Variants in OPHN1 observed in about 807,000 individuals in gnomAD.
OPHN1 encodes oligophrenin-1.
A neutral mutation model predicts 60.7 loss-of-function variants in OPHN1; 11 were observed. The ratio of observed to expected loss-of-function variants is 0.18; its 90% CI spans 0.11 to 0.30. OPHN1 has a LOEUF of 0.30. Ranked by LOEUF, OPHN1 falls within the 10% of genes least tolerant of loss-of-function variation. The pLI is 1.00. For missense variants in OPHN1, 449 were observed against 611.0 expected (o/e 0.73, Z 2.80); for synonymous variants, 226 against 222.6 (o/e 1.02, Z -0.14).
At chrX:68,340,562 T>C (rs911142565) in intron 2 of OPHN1, among the ~76,000 whole-genome samples, 3 of 112,082 alleles carry the variant, frequency 2.7e-5, no homozygotes, top group Non-Finnish European at 5.6e-5. Flanking sequence ...CCCGAAATGG[T>C]TGACAGACCT....
intron 21 of OPHN1, among the ~76,000 whole-genome samples, chrX:68,054,276 TA>T (rs1393360070): frequency 8.9e-6 from 1 of 111,767 alleles, no homozygotes; most frequent in African/African-American, 3.3e-5. Context: ...AGTTGTTTTC[TA>T]ACTCACTTTC....
At chrX:68,170,779 T>A (rs1416060448) in intron 15 of OPHN1, among the ~76,000 whole-genome samples, 1 of 64,664 alleles carries the variant, frequency 1.5e-5, no homozygotes, top group Admixed American at 2.3e-4. Flanking sequence ...CTGGGGACTG[T>A]TGTGGGGTGG....
chrX:68,420,565 A>T (rs952696679), intron 2 of OPHN1, among the ~76,000 whole-genome samples: 13 of 111,757 alleles, frequency 1.2e-4, no homozygotes, highest in Admixed American at 1.1e-3. Context: ...TTCCTCATTC[A>T]TAAATGGATT....
chrX:68,278,610 G>A (rs186132542), intron 4 of OPHN1, among the ~76,000 whole-genome samples: 11 of 113,721 alleles, frequency 9.7e-5, no homozygotes, highest in Non-Finnish European at 1.9e-4. Context: ...ACTGGGCCAG[G>A]CGCAGTGGCT....
intron 2 of OPHN1, among the ~76,000 whole-genome samples, chrX:68,354,097 G>T (rs1015772318): frequency 4.5e-5 from 5 of 111,446 alleles, no homozygotes; most frequent in Non-Finnish European, 7.5e-5. Flanking sequence ...GCATTAAAAT[G>T]ATATTAGCCA....
chrX:68,303,734 C>T (rs1337230451), intron 2 of OPHN1, among the ~76,000 whole-genome samples: 1 of 110,807 alleles, frequency 9.0e-6, no homozygotes, highest in Non-Finnish European at 1.9e-5. Context: ...TCCTGGCATT[C>T]ATGGCAACAC....
chrX:68,350,406 T>G (rs1395830608), intron 2 of OPHN1, among the ~76,000 whole-genome samples: 3 of 106,727 alleles, frequency 2.8e-5, no homozygotes, highest in East Asian at 6.0e-4. Flanking sequence ...CTTTCTTTCC[T>G]TTTTCTTTCT....
intron 19 of OPHN1, among the ~76,000 whole-genome samples, chrX:68,077,800 T>C (rs2076958915): frequency 2.7e-5 from 3 of 112,257 alleles, no homozygotes; most frequent in African/African-American, 9.7e-5. Flanking sequence ...ATTTTAAGTT[T>C]AGTTTGATTT....
At chrX:68,275,373 A>G (rs1353462765) in intron 4 of OPHN1, among the ~76,000 whole-genome samples, 1 of 112,102 alleles carries the variant, frequency 8.9e-6, no homozygotes, top group Non-Finnish European at 1.9e-5. Context: ...CTGTTCAGGG[A>G]CTATTAATAT....
chrX:68,258,315 T>A (rs1219204680), intron 5 of OPHN1, among the ~76,000 whole-genome samples: 1 of 106,818 alleles, frequency 9.4e-6, no homozygotes, highest in African/African-American at 3.5e-5. Context: ...TAGTTCCATA[T>A]GTATACATGT....
chrX:68,430,409 A>T (rs763870365), intron 2 of OPHN1, among the ~76,000 whole-genome samples: 7 of 112,061 alleles, frequency 6.2e-5, no homozygotes, highest in Non-Finnish European at 9.4e-5. Context: ...ATACTCAGAA[A>T]CAGAAAACTA....
chrX:68,133,301 T>A, intron 15 of OPHN1: 1 of 617,602 alleles, frequency 1.6e-6, no homozygotes, highest in Non-Finnish European at 2.8e-6. Flanking sequence ...TGTCTTAGAC[T>A]ATGAAGACAA....
Position 68,119,279 on chromosome X carries a change from T to A in OPHN1, c.1330A>T (p.Thr444Ser), listed in dbSNP as rs1431665776. ...TAGAATTTCAAGGAGCTGGTGATTG[T>A]CTTAATGTCCCAGTCACTATTATGA... is the stretch of plus-strand genomic sequence containing the variant. Reference protein sequence around the residue: ...DFHNSDWDIKTITSSLKFYLR... With the variant: ...DFHNSDWDIKSITSSLKFYLR... Residue 444 changes from threonine (T) to serine (S), a missense_variant, in exon 16 of 25, where the codon ACA becomes TCA. Thr to Ser is a moderately conservative substitution (Grantham distance 58). This residue lies in a region of OPHN1 where 166 missense variants were observed against 278.4 expected (regional missense o/e 0.60). Transcript: ENST00000355520. 8.3e-7 allele frequency: 1 copy of A among 1,203,357 alleles called. No individual in the cohort carries two copies. Among genetic ancestry groups the A allele is most frequent in the African/African-American group, 1.8e-5 (1 of 57,059 alleles).
intron 15 of OPHN1, among the ~76,000 whole-genome samples, chrX:68,132,607 C>A (rs1338084414): frequency 1.1e-5 from 1 of 93,657 alleles, no homozygotes; most frequent in Admixed American, 1.2e-4. Flanking sequence ...CTAGATGACA[C>A]GTTAGTGGGT....
chrX:68,116,445 AG>A (rs2077127672), intron 16 of OPHN1, among the ~76,000 whole-genome samples: 1 of 111,744 alleles, frequency 8.9e-6, no homozygotes, highest in South Asian at 3.8e-4. Context: ...TATGGCTTGG[AG>A]GGCATGACTC....
chrX:68,159,027 T>C (rs767881178), intron 15 of OPHN1, among the ~76,000 whole-genome samples: 1 of 111,435 alleles, frequency 9.0e-6, no homozygotes, highest in South Asian at 3.8e-4. Context: ...TGGATGCCAT[T>C]CTGAGAGAAG....
intron 5 of OPHN1, among the ~76,000 whole-genome samples, chrX:68,251,135 GA>G (rs1211233617): frequency 9.7e-6 from 1 of 102,793 alleles, no homozygotes; most frequent in Non-Finnish European, 2.0e-5. Flanking sequence ...AATTTCATGA[GA>G]AAAGGAGGAG....
intron 19 of OPHN1, among the ~76,000 whole-genome samples, chrX:68,087,148 C>A (rs1399284051): frequency 8.9e-6 from 1 of 112,294 alleles, no homozygotes; most frequent in African/African-American, 3.2e-5. Context: ...CTGATAGTGA[C>A]TTCAGAAAAA....
intron 17 of OPHN1, 53 bp from the exon 18 acceptor site, chrX:68,112,012 G>A: frequency 7.7e-6 from 6 of 774,503 alleles, no homozygotes; most frequent in Non-Finnish European, 1.2e-5. Flanking sequence ...CAACTGGATT[G>A]AGCAAAATTC....
Sources: gnomAD v4.1 joint callset for allele counts (sites outside exome capture counted in the v4.1 genomes callset) on GRCh38, gnomAD v4.1.1 for gene constraint, gnomAD v4.1.1 regional missense constraint, MANE v1.5 for transcripts, NCBI Gene and HGNC (gene_info 2026-07-23, HGNC 2026-07-21) for gene names.